Variants in MSH3 observed in about 807,000 individuals in gnomAD.
MSH3 encodes the protein mutS homolog 3, also known as DNA mismatch repair protein Msh3.
In MSH3, 106 loss-of-function variants were observed where a neutral mutation model predicts 123.3. The observed-to-expected ratio is 0.86, with a 90% CI of 0.73 to 1.01. The LOEUF (loss-of-function observed/expected upper bound fraction) is 1.01. MSH3 is among the 50% of genes least tolerant of loss of function. The probability of loss-of-function intolerance (pLI) is 0.00; values close to 1 mark genes in which losing one functional copy is unlikely to be tolerated. For missense variants in MSH3, 1,459 were observed against 1,347.6 expected, an observed-to-expected ratio of 1.08 and a Z score of -1.29; for synonymous variants, 515 against 481.4, an observed-to-expected ratio of 1.07 and a Z score of -0.91.
At position 80,761,651 on chromosome 5, in the gene MSH3, G is replaced by C. The variant is rs1440730000; in HGVS notation, c.1869G>C (p.Arg623Ser). The C allele has an allele frequency of 6.2e-7, 1 of 1,614,004 alleles. No individual in the cohort carries two copies. Among genetic ancestry groups the C allele is most frequent in the Non-Finnish European group, 8.5e-7 (1 of 1,179,992 alleles). ...TACGTAAATTGCCCGACATAGAGAG[G>C]GGACTCTGTAGCATTTATCACAAAA... Reference protein sequence around the residue: ...NHLRKLPDIERGLCSIYHKKC... With the variant: ...NHLRKLPDIESGLCSIYHKKC... The change falls in exon 13 of 24, where the codon AGG (arginine) becomes AGC (serine). Residue 623 changes from arginine (R) to serine (S), a missense_variant. Arg to Ser is a moderately radical substitution (Grantham distance 110, BLOSUM62 -1). Transcript: ENST00000265081.
chr5:80,655,382 T>A (rs1485736022), intron 1 of MSH3: 1 of 232,920 alleles, frequency 4.3e-6, no homozygotes, highest in Non-Finnish European at 8.5e-6. Context: ...TCTCCAGTTT[T>A]TAAGACTGCA....
chr5:80,715,650 G>A (rs1750944419), intron 8 of MSH3, among the ~76,000 whole-genome samples: 1 of 152,110 alleles, frequency 6.6e-6, no homozygotes, highest in Non-Finnish European at 1.5e-5. Context: ...GGCTGCACAG[G>A]AAGCATGGCT....
In MSH3 at chr5:80,741,565, G is replaced by C. The variant is rs1743615294; in HGVS notation, c.1653+17G>C. On this transcript the variant is annotated intron_variant, in intron 11 of 23. Coordinates refer to ENST00000265081, the MANE Select transcript of MSH3 (RefSeq NM_002439.5). ...CAGAATCAGGTCAGGCAAATACAAGGGCTAGTTGATTATAAATCGTTTTGG... is the reference window on the plus strand; with the variant it reads ...CAGAATCAGGTCAGGCAAATACAAGCGCTAGTTGATTATAAATCGTTTTGG... 1 of 1,560,450 alleles carries C rather than the reference G, an allele frequency of 6.4e-7. No homozygotes were observed. Among genetic ancestry groups the C allele is most frequent in the African/African-American group, 1.4e-5 (1 of 73,788 alleles).
At chr5:80,791,535 A>G (rs900901843) in intron 18 of MSH3, among the ~76,000 whole-genome samples, 1 of 152,220 alleles carries the variant, frequency 6.6e-6, no homozygotes, top group African/African-American at 2.4e-5. Flanking sequence ...CTTGAAAACC[A>G]GGAGAATATG....
At chr5:80,714,127 A>G (rs971515947) in intron 8 of MSH3, among the ~76,000 whole-genome samples, 1 of 141,070 alleles carries the variant, frequency 7.1e-6, no homozygotes, top group Non-Finnish European at 1.5e-5. Flanking sequence ...AATTTCAAAT[A>G]GACTTTTTTT....
At chr5:80,713,190 T>C (rs1750891628) in intron 8 of MSH3, among the ~76,000 whole-genome samples, 2 of 152,212 alleles carry the variant, frequency 1.3e-5, no homozygotes, top group Admixed American at 1.3e-4. Context: ...AGAGTCTCTG[T>C]TGGTGGTCTG....
intron 12 of MSH3, among the ~76,000 whole-genome samples, chr5:80,751,728 C>T (rs1297906259): frequency 1.3e-5 from 2 of 152,128 alleles, no homozygotes. Context: ...CTTAATAATT[C>T]CATCTACAAT....
At chr5:80,725,975 A>G (rs934193956) in intron 9 of MSH3, among the ~76,000 whole-genome samples, 2 of 152,228 alleles carry the variant, frequency 1.3e-5, no homozygotes, top group African/African-American at 4.8e-5. Flanking sequence ...TTATCTTTAA[A>G]GATGGCTCAT....
In MSH3 at chr5:80,679,005, A is replaced by G; in HGVS notation, c.1252A>G (p.Met418Val). The change falls in exon 8 of 24, where the codon ATG becomes GTG. Residue 418 changes from methionine to valine, a missense_variant. Physicochemically the swap from Met to Val is conservative, Grantham distance 21. Transcript: ENST00000265081. Reference protein sequence around the residue: ...SASRSELETRMSSLQPVELLL... With the variant: ...SASRSELETRVSSLQPVELLL... ...TTCTCGTTCAGAGCTAGAAACCCGG[A>G]TGTCAAGCCTGCAGCCAGTAGAGCT... 1 of 1,614,130 alleles carries G rather than the reference A, an allele frequency of 6.2e-7. No individual in the cohort carries two copies. Among genetic ancestry groups the G allele is most frequent in the Non-Finnish European group, 8.5e-7 (1 of 1,180,006 alleles).
intron 1 of MSH3, 127 bp from the exon 2 acceptor site, chr5:80,656,284 A>T: frequency 8.0e-7 from 1 of 1,252,910 alleles, no homozygotes; most frequent in Non-Finnish European, 1.1e-6. Flanking sequence ...AGCTAAAAGT[A>T]GAGGATTCTT....
At position 80,775,750 on chromosome 5, in the gene MSH3, G is replaced by C; in HGVS notation, c.2310G>C (p.Lys770Asn). The change falls in exon 16 of 24, where the codon AAG becomes AAC. Residue 770 changes from lysine (K) to asparagine (N), a missense_variant. By Grantham distance (94) the Lys-to-Asn change is moderately conservative (BLOSUM62 0). Transcript: ENST00000265081. ...AVSCIPTDWV[K>N]VGSTKAVSRF... Reference sequence around the variant, plus strand: ...CTTGTATACCAACTGATTGGGTAAAGGTTGGAAGGTAGGTTTAAAATAAAT... The same window carrying C: ...CTTGTATACCAACTGATTGGGTAAACGTTGGAAGGTAGGTTTAAAATAAAT... The C allele has an allele frequency of 6.3e-7, 1 of 1,584,662 alleles. No individual in the cohort carries two copies. The highest frequency in any genetic ancestry group is 8.7e-7 in the Non-Finnish European group (1 of 1,153,644).
intron 8 of MSH3, among the ~76,000 whole-genome samples, chr5:80,717,053 G>C (rs6151707): frequency 0.23 from 34,530 of 151,954 alleles, 4,113 homozygotes; most frequent in Non-Finnish European, 0.27. Context: ...TTTTGGGGGG[G>C]GCTGAATAGT....
intron 20 of MSH3, 141 bp from the exon 21 acceptor site, chr5:80,853,989 G>A (rs1561499849): frequency 4.3e-6 from 3 of 696,836 alleles, no homozygotes; most frequent in Non-Finnish European, 7.2e-6. Flanking sequence ...GTTTTCTTTT[G>A]TTTAATTTAA....
In MSH3 at chr5:80,679,023, G is replaced by A. The variant is rs1418423507; in HGVS notation, c.1270G>A (p.Val424Ile). ...LETRMSSLQPVELLLPSALSE... is the reference protein window; with the variant it reads ...LETRMSSLQPIELLLPSALSE... ...AACCCGGATGTCAAGCCTGCAGCCA[G>A]TAGAGCTGCTGCTTCCTTCGGCCTT... The change falls in exon 8 of 24, where the codon GTA becomes ATA. Residue 424 changes from valine (V) to isoleucine (I), a missense_variant. Coordinates refer to ENST00000265081, the MANE Select transcript of MSH3 (RefSeq NM_002439.5). 5.2e-5 allele frequency: 84 copies of A among 1,614,014 alleles called. No individual in the cohort carries two copies. The highest frequency in any genetic ancestry group is 1.6e-4 in the Middle Eastern group (1 of 6,072).
rs1805354 is a variant in MSH3 at position 80,768,875 on chromosome 5, T to C, written c.2125T>C (p.Phe709Leu). The C allele has an allele frequency of 5.1e-5, 82 of 1,611,338 alleles. No homozygotes were observed. The East Asian group carries it at 1.8e-3, about 36-fold the overall frequency. ...TGAATTATTTAAAGACCTTTCTGAC[T>C]TCCCTTTAATAAAAAAGAGGAAGGA... ...KTELFKDLSD[F>L]PLIKKRKDEI... Residue 709 changes from phenylalanine (F) to leucine (L), a missense_variant, in exon 15 of 24, where the codon TTC (phenylalanine) becomes CTC (leucine). Coordinates refer to ENST00000265081, the MANE Select transcript of MSH3 (RefSeq NM_002439.5).
chr5:80,863,903 G>A (rs1746054641), intron 21 of MSH3, among the ~76,000 whole-genome samples: 1 of 152,078 alleles, frequency 6.6e-6, no homozygotes, highest in African/African-American at 2.4e-5. Flanking sequence ...GTTGTAAAAT[G>A]TTTCTTATCA....
At chr5:80,747,438 C>CT (rs1199357445) in intron 12 of MSH3, among the ~76,000 whole-genome samples, 5 of 152,120 alleles carry the variant, frequency 3.3e-5, no homozygotes, top group African/African-American at 1.2e-4. Context: ...CAAGTATGAA[C>CT]TTTTCACTGA....
At chr5:80,723,537 T>C (rs1396196402) in intron 8 of MSH3, among the ~76,000 whole-genome samples, 1 of 152,116 alleles carries the variant, frequency 6.6e-6, no homozygotes, top group Non-Finnish European at 1.5e-5. Context: ...TTAGAAAATA[T>C]AAGAAATAAT....
At position 80,667,907 on chromosome 5, in the gene MSH3, G is replaced by T. The variant is rs78441014; in HGVS notation, c.580-2190G>T. Among the ~76,000 whole-genome samples the T allele has an allele frequency of 3.0e-4, 46 of 152,276 alleles. No homozygotes were observed. In the East Asian group the frequency reaches 8.1e-3, roughly 27 times the overall value. ...GTGGCAAGCAAGAGATGGGTTTCAG[G>T]CCTGTTTGTGTTACAGCTCTTTTAG... On this transcript the variant is annotated intron_variant, in intron 3 of 23. Coordinates refer to ENST00000265081, the MANE Select transcript of MSH3 (RefSeq NM_002439.5).
Sources: allele counts gnomAD v4.1 joint callset (sites outside exome capture counted in the v4.1 genomes callset), GRCh38; gene constraint gnomAD v4.1.1; transcripts MANE v1.5; gene names NCBI Gene and HGNC (gene_info 2026-07-23, HGNC 2026-07-21).